Variants in HOMER2 observed in about 807,000 individuals in gnomAD.
HOMER2 encodes homer scaffold protein 2.
HOMER2 carries 27 observed loss-of-function variants against 47.0 expected under a neutral mutation model. The observed-to-expected ratio is 0.57, with a 90% CI of 0.42 to 0.79. HOMER2 has a LOEUF of 0.79. Ranked by LOEUF, HOMER2 falls within the 30% of genes least tolerant of loss-of-function variation. HOMER2 has a pLI of 0.00. For missense variants in HOMER2, 443 were observed against 435.0 expected (o/e 1.02, Z -0.16); for synonymous variants, 161 against 163.8 (o/e 0.98, Z 0.13).
At chr15:82,971,845 G>C (rs2029999608) in intron 1 of HOMER2, among the ~76,000 whole-genome samples, 1 of 152,122 alleles carries the variant, frequency 6.6e-6, no homozygotes, top group South Asian at 2.1e-4. Flanking sequence ...TTTCCAAGAG[G>C]TACATCAGGA....
chr15:82,975,908 C>T (rs2030184765), intron 1 of HOMER2, among the ~76,000 whole-genome samples: 1 of 152,070 alleles, frequency 6.6e-6, no homozygotes, highest in Non-Finnish European at 1.5e-5. Context: ...GATAGATACC[C>T]CATTCTCCAT....
chr15:82,865,260 C>T (rs2066644185), intron 3 of HOMER2, among the ~76,000 whole-genome samples: 1 of 152,198 alleles, frequency 6.6e-6, no homozygotes, highest in Non-Finnish European at 1.5e-5. Flanking sequence ...TTGCTTAAAA[C>T]ACGAGGTCCA....
intron 1 of HOMER2, among the ~76,000 whole-genome samples, chr15:82,980,457 C>T (rs374033349): frequency 4.6e-5 from 7 of 152,194 alleles, no homozygotes; most frequent in Non-Finnish European, 8.8e-5. Context: ...TCCGGCCTAA[C>T]GCTTTCCCCT....
chr15:82,868,105 T>C (rs1408291371), intron 3 of HOMER2, among the ~76,000 whole-genome samples: 4 of 152,192 alleles, frequency 2.6e-5, no homozygotes, highest in Non-Finnish European at 4.4e-5. Context: ...ATTTTTTTCA[T>C]ATGATTGTTG....
chr15:82,946,293 C>G (rs1051333758), intron 1 of HOMER2, among the ~76,000 whole-genome samples: 1 of 152,196 alleles, frequency 6.6e-6, no homozygotes, highest in Non-Finnish European at 1.5e-5. Flanking sequence ...AACACTTGGA[C>G]CAGAAACTTC....
chr15:82,869,491 C>T (rs1323750713), intron 3 of HOMER2, among the ~76,000 whole-genome samples: 5 of 107,988 alleles, frequency 4.6e-5, no homozygotes, highest in South Asian at 3.3e-4. Flanking sequence ...CAGAGTCTCA[C>T]TCTGTTACCC....
At chr15:82,959,053 G>C (rs1382114762) in exon 2 of HOMER2, 1 of 152,536 alleles carries the variant, frequency 6.6e-6, no homozygotes, top group Non-Finnish European at 1.5e-5. Context: ...TGTTCTGTTT[G>C]GCTCCATCCT....
chr15:82,894,793 G>C (rs1282718580), intron 1 of HOMER2, among the ~76,000 whole-genome samples: 1 of 142,668 alleles, frequency 7.0e-6, no homozygotes, highest in Non-Finnish European at 1.5e-5. Flanking sequence ...AATGTCAAAA[G>C]AGATAAAATA....
chr15:82,874,408 C>T (rs1446343217), intron 3 of HOMER2, among the ~76,000 whole-genome samples: 1 of 152,212 alleles, frequency 6.6e-6, no homozygotes, highest in Non-Finnish European at 1.5e-5. Context: ...GGCTCTTCTA[C>T]CACCCTAAAA....
At chr15:82,866,694 A>G (rs2051979424) in intron 3 of HOMER2, among the ~76,000 whole-genome samples, 1 of 152,200 alleles carries the variant, frequency 6.6e-6, no homozygotes, top group Non-Finnish European at 1.5e-5. Context: ...ATGATAGTGA[A>G]TAAGTCTCAG....
At chr15:82,956,521 T>C (rs2054589110), upstream of HOMER2, among the ~76,000 whole-genome samples, 1 of 152,182 alleles carries the variant, frequency 6.6e-6, no homozygotes, top group Non-Finnish European at 1.5e-5. Context: ...ATCTGGTTTA[T>C]ATTGTTAAAA....
intron 1 of HOMER2, among the ~76,000 whole-genome samples, chr15:82,928,622 AT>A (rs1221603102): frequency 6.6e-6 from 1 of 152,174 alleles, no homozygotes; most frequent in African/African-American, 2.4e-5. Context: ...TGCATTCGTT[AT>A]TCACTAGGTT....
exon 2 of HOMER2, chr15:82,843,939 T>C (rs1452077072): frequency 1.3e-5 from 2 of 152,222 alleles, no homozygotes; most frequent in Non-Finnish European, 2.9e-5. Context: ...GGTTTATTTT[T>C]TTTATTCATG....
At chr15:82,918,036 A>G (rs908758092) in intron 1 of HOMER2, among the ~76,000 whole-genome samples, 3 of 152,148 alleles carry the variant, frequency 2.0e-5, no homozygotes, top group Admixed American at 2.0e-4. Flanking sequence ...AGCTCGGAGC[A>G]GGATCATGGA....
chr15:82,891,369 G>A (rs928554722), intron 2 of HOMER2, among the ~76,000 whole-genome samples: 1 of 152,180 alleles, frequency 6.6e-6, no homozygotes, highest in Admixed American at 6.5e-5. Context: ...CAACTGGAAG[G>A]GAGAACAAGA....
At chr15:82,943,923 T>A (rs1026888362) in intron 1 of HOMER2, among the ~76,000 whole-genome samples, 1 of 152,204 alleles carries the variant, frequency 6.6e-6, no homozygotes, top group African/African-American at 2.4e-5. Context: ...GCTCTCACCC[T>A]GACTCCTCTG....
At chr15:82,970,330 G>A (rs149296618) in intron 1 of HOMER2, among the ~76,000 whole-genome samples, 2 of 152,276 alleles carry the variant, frequency 1.3e-5, no homozygotes, top group East Asian at 3.9e-4. Context: ...GCCTGAGAGA[G>A]GTTTCTTATC....
chr15:82,871,727 T>C (rs2151062440), intron 3 of HOMER2, among the ~76,000 whole-genome samples: 1 of 152,224 alleles, frequency 6.6e-6, no homozygotes, highest in Non-Finnish European at 1.5e-5. Context: ...GATAGGACAT[T>C]TTCTTCTGTC....
At chr15:82,974,231 C>T (rs554297050) in intron 1 of HOMER2, among the ~76,000 whole-genome samples, 4 of 151,584 alleles carry the variant, frequency 2.6e-5, no homozygotes, top group African/African-American at 9.7e-5. Context: ...ATGGAGAAAA[C>T]CCATCTCTAC....
Sources: allele counts gnomAD v4.1 joint callset (sites outside exome capture counted in the v4.1 genomes callset), GRCh38; gene constraint gnomAD v4.1.1; transcripts MANE v1.5; gene names NCBI Gene and HGNC (gene_info 2026-07-23, HGNC 2026-07-21).